DONSON: variants seen among roughly 807,000 people sequenced by gnomAD.
The protein encoded by DONSON is protein downstream neighbor of Son.
A neutral mutation model predicts 62.1 loss-of-function variants in DONSON; 43 were observed. That is an observed-to-expected ratio of 0.69 (90% confidence interval 0.54 to 0.89). The LOEUF (loss-of-function observed/expected upper bound fraction) is 0.89. Ranked by LOEUF, DONSON falls within the 40% of genes least tolerant of loss-of-function variation. The pLI is 0.00. For synonymous variants in DONSON, 266 were observed against 264.6 expected (o/e 1.01, Z -0.05); for missense variants, 696 against 697.5 (o/e 1.00, Z 0.03).
At chr21:33,582,361 G>A in intron 5 of DONSON, 115 bp from the exon 6 acceptor site, 2 of 784,476 alleles carry the variant, frequency 2.5e-6, no homozygotes, top group Middle Eastern at 3.6e-4. Context: ...ATCTATTAAG[G>A]CAGTAGAGTT....
intron 9 of DONSON, 89 bp downstream of exon 9, chr21:33,579,261 A>G: frequency 1.0e-6 from 1 of 968,536 alleles, no homozygotes; most frequent in Non-Finnish European, 1.5e-6. Flanking sequence ...TTGAAACACA[A>G]TAGTGACTCA....
chr21:33,583,720 T>TA, intron 4 of DONSON, 54 bp from the exon 5 acceptor site: 1 of 1,351,424 alleles, frequency 7.4e-7, no homozygotes, highest in Non-Finnish European at 1.0e-6. Context: ...ATGCAATGTT[T>TA]ATAATTCTGA....
Position 33,583,617 on chromosome 21 carries a change from G to A in DONSON, c.835C>T (p.Pro279Ser), listed in dbSNP as rs1388329916. 1.2e-6 allele frequency: 2 copies of A among 1,611,708 alleles called. No individual in the cohort carries two copies. The highest frequency in any genetic ancestry group is 1.1e-5 in the South Asian group (1 of 90,766). Residue 279 changes from proline to serine, a missense_variant, in exon 5 of 10, where the codon CCC (proline) becomes TCC (serine). Pro to Ser is a moderately conservative substitution (Grantham distance 74). Transcript: ENST00000303071. ...TGATAGGTACAAACGTAGAAATAGG[G>A]GCAAAGTTTTGTCTTCAGCAAATTA... The part of the protein sequence containing the change: ...LYNLLKTKLC[P>S]YFYVCTYQFT...
Position 33,588,359 on chromosome 21 carries a change from C to CG in DONSON, c.282dup (p.Asp95ArgfsTer18). 6 of 1,292,472 alleles carry CG rather than the reference C, an allele frequency of 4.6e-6. No homozygotes were observed. The highest frequency in any genetic ancestry group is 3.0e-5 in the East Asian group (1 of 33,034). 80.1% of individuals were successfully genotyped at this position (1,292,472 alleles called of 1,614,324 possible). A position where few individuals can be genotyped will look rare whatever the true frequency, so the allele number is the denominator to read the frequency against. On this transcript the variant is annotated frameshift_variant, in exon 1 of 10. Transcript: ENST00000303071. LOFTEE classifies it high-confidence loss of function. ...TCCGGCTGCTCGCGGGCCGGCCCGTCGGGGGGCTCCGCGGCGACCCGCGGT... is the reference window on the plus strand; with the variant it reads ...TCCGGCTGCTCGCGGGCCGGCCCGTCGGGGGGGCTCCGCGGCGACCCGCGGT...
In DONSON at chr21:33,579,361, C is replaced by T; in HGVS notation, c.1552G>A (p.Val518Ile). ...AGGTGTCTACTTACCATATCAAGTA[C>T]TTTGTCCATTTGCAGGCAGATGTTA... is the stretch of plus-strand genomic sequence containing the variant. ...VFNICLQMDK[V>I]LDMEVVHKEL... The change falls in exon 9 of 10, where the codon GTA becomes ATA. Residue 518 changes from valine to isoleucine, a missense_variant. Transcript: ENST00000303071. 6.2e-7 allele frequency: 1 copy of T among 1,603,214 alleles called. No individual in the cohort carries two copies. The highest frequency in any genetic ancestry group is 8.5e-7 in the Non-Finnish European group (1 of 1,172,350).
chr21:33,584,860 G>T (rs980356035), intron 3 of DONSON, 92 bp from the exon 4 acceptor site: 29 of 1,054,170 alleles, frequency 2.8e-5, no homozygotes, highest in Non-Finnish European at 3.5e-5. Context: ...TTAGGTCTAA[G>T]AATCTTTATT....
In DONSON at chr21:33,578,706, CA is replaced by C. The variant is rs199742950; in HGVS notation, c.1564-263del. Among the ~76,000 whole-genome samples the C allele has an allele frequency of 6.7e-3, 1,018 of 152,224 alleles. 15 individuals are homozygous for C. Among genetic ancestry groups the C allele is most frequent in the African/African-American group, 0.023 (951 of 41,528 alleles). On this transcript the variant is annotated intron_variant, in intron 9 of 9. Coordinates refer to ENST00000303071, the MANE Select transcript of DONSON (RefSeq NM_017613.4). The stretch of plus-strand genomic sequence containing the variant: ...CCTTAAGTATGTTCAAAATTAAAGG[CA>C]AATATGGTTAAATACCCACAGTGAA...
chr21:33,580,915 AAC>A (rs2086501113), intron 8 of DONSON, among the ~76,000 whole-genome samples: 2 of 151,880 alleles, frequency 1.3e-5, no homozygotes, highest in African/African-American at 2.4e-5. Context: ...GAAAAAAAAA[AAC>A]AAAAAAAATA....
chr21:33,581,423 G>A lies in DONSON; in HGVS notation c.1229C>T (p.Thr410Ile). ...AGAGTTAATCAAAAAATTGAGCAATGTAAAGGTGTTGATTCCTTTTACCAA... is the reference window on the plus strand; with the variant it reads ...AGAGTTAATCAAAAAATTGAGCAATATAAAGGTGTTGATTCCTTTTACCAA... ...VVLVKGINTFTLLNFLINSKS... is the reference protein window; with the variant it reads ...VVLVKGINTFILLNFLINSKS... The change falls in exon 8 of 10, where the codon ACA (threonine) becomes ATA (isoleucine). Residue 410 changes from threonine to isoleucine, a missense_variant. By Grantham distance (89) the Thr-to-Ile change is moderately conservative. Transcript: ENST00000303071. 1 of 1,614,094 alleles carries A rather than the reference G, an allele frequency of 6.2e-7. No homozygotes were observed. Among genetic ancestry groups the A allele is most frequent in the Non-Finnish European group, 8.5e-7 (1 of 1,180,000 alleles).
chr21:33,588,196 G>C (rs2086602829), intron 1 of DONSON, 125 bp downstream of exon 1: 2 of 812,246 alleles, frequency 2.5e-6, no homozygotes, highest in Non-Finnish European at 3.3e-6. Flanking sequence ...CTAAGGCCAC[G>C]GGCGGCCGAA....
chr21:33,586,023 G>A lies in DONSON; in HGVS notation c.561C>T (p.Val187=). ...LKAQEEAQGL[V]QHCRATEVTL... ...TAACTTCTGTTGCCCTACAATGCTG[G>A]ACAAGACCTTGAGCTTCTTCCTGTG... Residue 187 remains valine, a synonymous_variant, in exon 3 of 10, where the codon GTC becomes GTT. Transcript: ENST00000303071. 2.5e-6 allele frequency: 4 copies of A among 1,614,140 alleles called. No homozygotes were observed. The highest frequency in any genetic ancestry group is 3.4e-6 in the Non-Finnish European group (4 of 1,180,030).
chr21:33,581,499 G>A lies in DONSON; in HGVS notation c.1153C>T (p.Arg385Cys), dbSNP rs758139862. Residue 385 changes from arginine to cysteine, a missense_variant and splice_region_variant, in exon 8 of 10, where the codon CGT (arginine) becomes TGT (cysteine). Physicochemically the swap from Arg to Cys is radical, Grantham distance 180. Transcript: ENST00000303071. The stretch of plus-strand genomic sequence containing the variant: ...ATTTGTACTTCATGTTTCTCTTTAC[G>A]CCTGAAGATGACAATCAAGGAAATT... ...KKPDILSIKLRKEKHEVQMDH... is the reference protein window; with the variant it reads ...KKPDILSIKLCKEKHEVQMDH... 6.2e-6 allele frequency: 10 copies of A among 1,610,302 alleles called. No homozygotes were observed. The highest frequency in any genetic ancestry group is 2.2e-5 in the South Asian group (2 of 90,864).
intron 2 of DONSON, among the ~76,000 whole-genome samples, chr21:33,586,413 GA>G (rs2086578353): frequency 1.3e-5 from 2 of 152,146 alleles, no homozygotes; most frequent in Admixed American, 1.3e-4. Flanking sequence ...AGGGGTGGTG[GA>G]GGGGCAGATT....
rs2086572934 is a variant in DONSON, at chr21:33,585,966, T to C, written c.606+12A>G. The stretch of plus-strand genomic sequence containing the variant: ...GTTACTTTAACACATAACTATTTTA[T>C]TTCAGAGTTACCTGTATACTTTTAG... On this transcript the variant is annotated intron_variant, in intron 3 of 9. Coordinates refer to ENST00000303071, the MANE Select transcript of DONSON (RefSeq NM_017613.4). The C allele has an allele frequency of 3.1e-6, 5 of 1,613,496 alleles. No individual in the cohort carries two copies. The highest frequency in any genetic ancestry group is 4.2e-6 in the Non-Finnish European group (5 of 1,179,462).
chr21:33,582,052 C>A lies in DONSON; in HGVS notation c.1050G>T (p.Glu350Asp), dbSNP rs2086517593. The change falls in exon 7 of 10, where the codon GAG becomes GAT. Residue 350 changes from glutamate (E) to aspartate (D), a missense_variant. Coordinates refer to ENST00000303071, the MANE Select transcript of DONSON (RefSeq NM_017613.4). ...ASGTSLGYGE[E>D]QAISDEDEEE... ...CTTCATCCTCATCACTGATGGCTTG[C>A]TCCCTAGGAAATTGCTACAGTTAGA... 6.2e-7 allele frequency: 1 copy of A among 1,613,976 alleles called. No homozygotes were observed. Among genetic ancestry groups the A allele is most frequent in the Admixed American group, 1.7e-5 (1 of 60,008 alleles).
At chr21:33,587,131 G>A (rs919247925) in intron 2 of DONSON, among the ~76,000 whole-genome samples, 1 of 152,214 alleles carries the variant, frequency 6.6e-6, no homozygotes, top group Non-Finnish European at 1.5e-5. Context: ...ACGTGTGTGT[G>A]TTAGGGGAGA....
In DONSON at chr21:33,588,601, T is replaced by C. The variant is rs974873694; in HGVS notation, c.41A>G (p.Lys14Arg). The change falls in exon 1 of 10, where the codon AAG becomes AGG. Residue 14 changes from lysine (K) to arginine (R), a missense_variant. Coordinates refer to ENST00000303071, the MANE Select transcript of DONSON (RefSeq NM_017613.4). Reference protein sequence around the residue: ...SVPGYSPGFRKPPEVVRLRRK... With the variant: ...SVPGYSPGFRRPPEVVRLRRK... ...TCGGAGCCGCACTACCTCGGGCGGC[T>C]TTCGGAAGCCCGGTGAGTAGCCGGG... 8.0e-7 allele frequency: 1 copy of C among 1,249,242 alleles called. No homozygotes were observed. 77.4% of individuals were successfully genotyped at this position (1,249,242 alleles called of 1,614,324 possible).
At chr21:33,578,484 G>C in intron 9 of DONSON, 40 bp from the exon 10 acceptor site, 16 of 1,574,440 alleles carry the variant, frequency 1.0e-5, no homozygotes, top group Non-Finnish European at 1.3e-5. Context: ...AAGCACATTA[G>C]TCTTTAAACA....
In DONSON at chr21:33,586,257, C is replaced by T. The variant is rs1025328588; in HGVS notation, c.403-76G>A. On this transcript the variant is annotated intron_variant, in intron 2 of 9. Transcript: ENST00000303071. ...TCAACCTAAAGATTTTATCAGCTAA[C>T]ATGATCACTGAAAAGTAAAAATCAT... is the stretch of plus-strand genomic sequence containing the variant. 3.9e-5 allele frequency: 46 copies of T among 1,170,602 alleles called. No homozygotes were observed. The African/African-American group carries it at 6.9e-4, about 18-fold the overall frequency. The allele number at this position is 1,170,602 out of a possible 1,614,324, so 72.5% of individuals were successfully genotyped here. A position where few individuals can be genotyped will look rare whatever the true frequency, so the allele number is the denominator to read the frequency against.
Sources: allele counts gnomAD v4.1 joint callset (sites outside exome capture counted in the v4.1 genomes callset), GRCh38; gene constraint gnomAD v4.1.1; transcripts MANE v1.5; gene names NCBI Gene and HGNC (gene_info 2026-07-23, HGNC 2026-07-21).